GRM8: variants seen among roughly 807,000 people sequenced by gnomAD.
The protein encoded by GRM8 is metabotropic glutamate receptor 8.
A neutral mutation model predicts 87.2 loss-of-function variants in GRM8; 47 were observed. The observed-to-expected ratio is 0.54, with a 90% CI of 0.43 to 0.69. GRM8 has a LOEUF of 0.69. GRM8 is among the 30% of genes least tolerant of loss of function. The pLI is 0.00. For missense variants in GRM8, 1,019 were observed against 1,139.2 expected, an observed-to-expected ratio of 0.89 and a Z score of 1.52; for synonymous variants, 396 against 404.5, an observed-to-expected ratio of 0.98 and a Z score of 0.25.
chr7:127,007,962 C>T (rs533571475), intron 3 of GRM8, among the ~76,000 whole-genome samples: 1 of 151,852 alleles, frequency 6.6e-6, no homozygotes, highest in African/African-American at 2.4e-5. Flanking sequence ...TTTACCAGAT[C>T]CTCTTAAAAT....
intron 7 of GRM8, among the ~76,000 whole-genome samples, chr7:126,651,244 G>A (rs1803830772): frequency 6.6e-6 from 1 of 152,204 alleles, no homozygotes. Flanking sequence ...AAGTGTGGCA[G>A]TGGGCTCATG....
chr7:126,960,219 T>C (rs1399648133), intron 3 of GRM8, among the ~76,000 whole-genome samples: 3 of 152,166 alleles, frequency 2.0e-5, no homozygotes, highest in Non-Finnish European at 4.4e-5. Flanking sequence ...CAAATATATA[T>C]CATCTTTGTC....
intron 8 of GRM8, among the ~76,000 whole-genome samples, chr7:126,595,371 GTATTTTATTT>G (rs146479444): frequency 0.18 from 23,927 of 133,392 alleles, 2,433 homozygotes; most frequent in Non-Finnish European, 0.2. Flanking sequence ...GCTAATTCTG[GTATTTTATTT>G]TATTTTATTT....
intron 2 of GRM8, among the ~76,000 whole-genome samples, chr7:127,157,494 T>C (rs1397076506): frequency 1.3e-5 from 2 of 152,322 alleles, no homozygotes; most frequent in Admixed American, 1.3e-4. Context: ...CCATTTATGT[T>C]GAAAAATAGT....
chr7:127,208,887 T>A (rs1796062313), intron 2 of GRM8, among the ~76,000 whole-genome samples: 1 of 152,190 alleles, frequency 6.6e-6, no homozygotes, highest in African/African-American at 2.4e-5. Flanking sequence ...CCCAAATTTG[T>A]TTTCCTGTTG....
chr7:126,550,312 C>T (rs1310749259), intron 8 of GRM8, among the ~76,000 whole-genome samples: 2 of 151,866 alleles, frequency 1.3e-5, no homozygotes, highest in Admixed American at 6.6e-5. Context: ...ATGGGTCTCA[C>T]CATGTTGGCC....
intron 3 of GRM8, among the ~76,000 whole-genome samples, chr7:127,033,159 T>C (rs151328012): frequency 6.6e-6 from 1 of 152,148 alleles, no homozygotes; most frequent in East Asian, 1.9e-4. Flanking sequence ...TTAAAAATTA[T>C]AAAAATCTTC....
chr7:126,975,433 T>C (rs1209027422), intron 3 of GRM8, among the ~76,000 whole-genome samples: 1 of 152,228 alleles, frequency 6.6e-6, no homozygotes, highest in Non-Finnish European at 1.5e-5. Flanking sequence ...GACGTGGCCC[T>C]AGTAGGCTTC....
At chr7:126,698,861 T>A (rs1175154329) in intron 7 of GRM8, among the ~76,000 whole-genome samples, 1 of 152,072 alleles carries the variant, frequency 6.6e-6, no homozygotes, top group Non-Finnish European at 1.5e-5. Flanking sequence ...TAAATTGAAA[T>A]ACATTTATAT....
chr7:127,110,728 A>G (rs903817517), intron 2 of GRM8, among the ~76,000 whole-genome samples: 1 of 151,924 alleles, frequency 6.6e-6, no homozygotes. Flanking sequence ...GGAGATTCCT[A>G]CCTCCCAACT....
chr7:126,463,007 T>C (rs757994084), intron 9 of GRM8, among the ~76,000 whole-genome samples: 3 of 151,624 alleles, frequency 2.0e-5, no homozygotes, highest in Admixed American at 1.3e-4. Context: ...AGTCATCGAC[T>C]GTTCTGACTA....
intron 8 of GRM8, among the ~76,000 whole-genome samples, chr7:126,562,612 T>G (rs774142768): frequency 5.9e-5 from 9 of 152,162 alleles, no homozygotes; most frequent in Non-Finnish European, 1.2e-4. Context: ...TAAGCGAAGG[T>G]TGCCCGGCGT....
intron 9 of GRM8, among the ~76,000 whole-genome samples, chr7:126,497,118 A>T (rs74620904): frequency 1.4e-3 from 215 of 151,890 alleles, no homozygotes; most frequent in South Asian, 7.5e-3. Context: ...TTATGAGCCA[A>T]TTTCAGCGTG....
At chr7:126,851,010 C>A (rs1196822323) in intron 6 of GRM8, among the ~76,000 whole-genome samples, 6 of 152,026 alleles carry the variant, frequency 3.9e-5, no homozygotes, top group Non-Finnish European at 1.5e-5. Flanking sequence ...GCCATGACAG[C>A]CAAAAAGTCT....
intron 9 of GRM8, among the ~76,000 whole-genome samples, chr7:126,508,096 A>G (rs1175170502): frequency 1.3e-5 from 2 of 151,924 alleles, no homozygotes; most frequent in Non-Finnish European, 2.9e-5. Flanking sequence ...TTATGATTGA[A>G]GAAGTAATCT....
intron 3 of GRM8, among the ~76,000 whole-genome samples, chr7:127,069,306 G>T (rs564847279): frequency 6.6e-6 from 1 of 152,150 alleles, no homozygotes; most frequent in Non-Finnish European, 1.5e-5. Flanking sequence ...GGGATTACAG[G>T]CATGCACCAA....
In GRM8 at chr7:126,785,700, T is replaced by C. The variant is rs141664081; in HGVS notation, c.1157-15635A>G. On this transcript the variant is annotated intron_variant, in intron 6 of 10. Transcript: ENST00000339582. The stretch of plus-strand genomic sequence containing the variant: ...GATGAAATCACTGGAGCTCTACCTG[T>C]CACCTGGAACCAGGAGGAATTAGAG... 5.1e-3 allele frequency among the ~76,000 whole-genome samples: 781 copies of C among 152,086 alleles called. 11 individuals carry two copies. The highest frequency in any genetic ancestry group is 0.018 in the African/African-American group (739 of 41,482).
intron 3 of GRM8, among the ~76,000 whole-genome samples, chr7:127,105,139 G>GT (rs1392939715): frequency 6.6e-6 from 1 of 152,148 alleles, no homozygotes; most frequent in African/African-American, 2.4e-5. Context: ...TTTCATTTGA[G>GT]TGGGCATTTC....
At chr7:126,910,177 C>T (rs928559981) in intron 3 of GRM8, among the ~76,000 whole-genome samples, 6 of 152,150 alleles carry the variant, frequency 3.9e-5, no homozygotes, top group African/African-American at 1.4e-4. Flanking sequence ...TCCAAACTTT[C>T]CAATTGTTTC....
Sources: gnomAD v4.1 joint callset for allele counts (sites outside exome capture counted in the v4.1 genomes callset) on GRCh38, gnomAD v4.1.1 for gene constraint, MANE v1.5 for transcripts, NCBI Gene and HGNC (gene_info 2026-07-23, HGNC 2026-07-21) for gene names.